The following CPLANE2 variants were observed in gnomAD, a reference collection of about 807,000 sequenced individuals.
The protein encoded by CPLANE2 is ciliogenesis and planar polarity effector 2.
CPLANE2 carries 24 observed loss-of-function variants against 20.9 expected under a neutral mutation model. The ratio of observed to expected loss-of-function variants is 1.15; its 90% confidence interval spans 0.83 to 1.61. CPLANE2 has a LOEUF of 1.61. Among genes scored for constraint, CPLANE2 ranks in the 40% most tolerant of loss-of-function variants. The pLI, the probability that CPLANE2 is intolerant of heterozygous loss-of-function variation, is 0.00. For synonymous variants in CPLANE2, 132 were observed against 144.3 expected, an observed-to-expected ratio of 0.92 and a Z score of 0.61; for missense variants, 330 against 355.1, an observed-to-expected ratio of 0.93 and a Z score of 0.57.
At chr1:16,236,530 T>C in intron 1 of CPLANE2, 101 bp downstream of exon 1, 2 of 913,442 alleles carry the variant, frequency 2.2e-6, no homozygotes, top group Non-Finnish European at 3.5e-6. Flanking sequence ...GAGCAGGCCC[T>C]CACTGCCCTG....
intron 4 of CPLANE2, 75 bp from the exon 5 acceptor site, chr1:16,232,372 T>C (rs960803481): frequency 2.4e-5 from 36 of 1,531,554 alleles, no homozygotes; most frequent in Middle Eastern, 3.6e-4. Flanking sequence ...CCCTCCTCCC[T>C]GGAGCCCACA....
intron 2 of CPLANE2, 100 bp downstream of exon 2, chr1:16,233,512 T>C: frequency 7.1e-7 from 1 of 1,412,766 alleles, no homozygotes; most frequent in Non-Finnish European, 9.7e-7. Context: ...TGAAGTGACT[T>C]TCCAAGGCTA....
intron 1 of CPLANE2, among the ~76,000 whole-genome samples, chr1:16,236,254 TG>T (rs1003804787): frequency 6.6e-6 from 1 of 152,174 alleles, no homozygotes; most frequent in Non-Finnish European, 1.5e-5. Context: ...CTCTATTTAT[TG>T]GGGTGTGATC....
chr1:16,233,040 C>A, intron 2 of CPLANE2, 23 bp from the exon 3 acceptor site: 1 of 1,613,812 alleles, frequency 6.2e-7, no homozygotes, highest in South Asian at 1.1e-5. Flanking sequence ...CAGGGTCAGC[C>A]ACTCACCATG....
intron 2 of CPLANE2, 83 bp downstream of exon 2, chr1:16,233,529 A>G: frequency 1.3e-6 from 2 of 1,508,084 alleles, no homozygotes; most frequent in Non-Finnish European, 1.8e-6. Flanking sequence ...GCTACAGAGT[A>G]AGAGGTGGTC....
At chr1:16,232,445 C>G (rs1285262490) in intron 4 of CPLANE2, 65 bp downstream of exon 4, 1 of 1,587,642 alleles carries the variant, frequency 6.3e-7, no homozygotes, top group Non-Finnish European at 8.6e-7. Context: ...GAATTCCATG[C>G]CTGGGCAGAG....
At position 16,232,052 on chromosome 1, in the gene CPLANE2, TCAGGAGCACTCTCTGGGGGGTTGGGAAG is replaced by T; in HGVS notation, c.745_772del (p.Leu249AsnfsTer19). On this transcript the variant is annotated frameshift_variant, in exon 5 of 5. Coordinates refer to ENST00000375599, the MANE Select transcript of CPLANE2 (RefSeq NM_030907.4). LOFTEE classifies it high-confidence loss of function. ...TCACAGGCAACCACTCGTGACTCAT[TCAGGAGCACTCTCTGGGGGGTTGGGAAG>T]CAGGCCAGCCGCCACCTGGTCCTGG... 5 of 1,612,342 alleles carry T rather than the reference TCAGGAGCACTCTCTGGGGGGTTGGGAAG, an allele frequency of 3.1e-6. No individual in the cohort carries two copies. Among genetic ancestry groups the T allele is most frequent in the Non-Finnish European group, 4.2e-6 (5 of 1,179,452 alleles).
chr1:16,234,264 T>G lies in CPLANE2; in HGVS notation c.113-500A>C, dbSNP rs575762222. Reference sequence around the variant, plus strand: ...AAAAAAATACCAAAAATCAGCTGGGTGTGGTGGTGGGTGCCTATAATCCCA... The same window carrying G: ...AAAAAAATACCAAAAATCAGCTGGGGGTGGTGGTGGGTGCCTATAATCCCA... On this transcript the variant is annotated intron_variant, in intron 1 of 4. Transcript: ENST00000375599. Among the ~76,000 whole-genome samples the G allele has an allele frequency of 2.1e-3, 314 of 151,554 alleles. 1 individual carries two copies. Among genetic ancestry groups the G allele is most frequent in the Non-Finnish European group, 3.7e-3 (254 of 67,906 alleles).
Position 16,231,760 on chromosome 1 carries a change from G to A in CPLANE2, c.*288C>T, listed in dbSNP as rs939041555. 6.4e-5 allele frequency: 34 copies of A among 529,970 alleles called. No individual in the cohort carries two copies. The highest frequency in any genetic ancestry group is 6.2e-4 in the African/African-American group (33 of 52,864). The allele number at this position is 529,970 out of a possible 1,614,324, so 32.8% of individuals were successfully genotyped here. On this transcript the variant is annotated 3_prime_UTR_variant, in exon 5 of 5. Coordinates refer to ENST00000375599, the MANE Select transcript of CPLANE2 (RefSeq NM_030907.4). ...GTCACCTCAACCAATACAGGTTCTT[G>A]ATTGAAGTAACTTGAGAGGCACCCC...
chr1:16,233,050 G>A (rs775100097), intron 2 of CPLANE2, 33 bp from the exon 3 acceptor site: 1 of 1,612,940 alleles, frequency 6.2e-7, no homozygotes, highest in South Asian at 1.1e-5. Flanking sequence ...CACTCACCAT[G>A]GGAGAGGTGG....
At position 16,236,791 on chromosome 1, in the gene CPLANE2, G is replaced by A. The variant is rs1213362894; in HGVS notation, c.-49C>T. ...GGAGGTGACAGAATGCTGAGAGCAG[G>A]GAGTGGGAAGGGGAGTGACAGTACC... On this transcript the variant is annotated 5_prime_UTR_variant, in exon 1 of 5. Coordinates refer to ENST00000375599, the MANE Select transcript of CPLANE2 (RefSeq NM_030907.4). The A allele has an allele frequency of 1.5e-5, 20 of 1,339,566 alleles. No homozygotes were observed. Among genetic ancestry groups the A allele is most frequent in the Non-Finnish European group, 2.1e-5 (20 of 955,692 alleles). 83.0% of individuals were successfully genotyped at this position (1,339,566 alleles called of 1,614,324 possible).
At position 16,236,794 on chromosome 1, in the gene CPLANE2, G is replaced by A. The variant is rs1469003990; in HGVS notation, c.-52C>T. On this transcript the variant is annotated 5_prime_UTR_variant, in exon 1 of 5. Coordinates refer to ENST00000375599, the MANE Select transcript of CPLANE2 (RefSeq NM_030907.4). Reference sequence around the variant, plus strand: ...GGTGACAGAATGCTGAGAGCAGGGAGTGGGAAGGGGAGTGACAGTACCAAG... The same window carrying A: ...GGTGACAGAATGCTGAGAGCAGGGAATGGGAAGGGGAGTGACAGTACCAAG... 2 of 1,328,282 alleles carry A rather than the reference G, an allele frequency of 1.5e-6. No individual in the cohort carries two copies. Among genetic ancestry groups the A allele is most frequent in the African/African-American group, 1.5e-5 (1 of 68,824 alleles). The allele number at this position is 1,328,282 out of a possible 1,614,324, so 82.3% of individuals were successfully genotyped here. A position where few individuals can be genotyped will look rare whatever the true frequency, so the allele number is the denominator to read the frequency against.
chr1:16,235,744 G>A (rs1228181848), intron 1 of CPLANE2, among the ~76,000 whole-genome samples: 4 of 144,682 alleles, frequency 2.8e-5, no homozygotes, highest in Admixed American at 2.2e-4. Context: ...GCAATGGCTC[G>A]ATCTAGGGTT....
chr1:16,233,131 T>G, intron 2 of CPLANE2, 114 bp from the exon 3 acceptor site: 2 of 1,199,474 alleles, frequency 1.7e-6, no homozygotes, highest in South Asian at 2.8e-5. Flanking sequence ...GGGTCCCTAG[T>G]TTGATGAGGG....
rs144816140 is a variant in CPLANE2 at position 16,233,736 on chromosome 1, C to T, written c.141G>A (p.Pro47=). Residue 47 remains proline (P), a synonymous_variant, in exon 2 of 5, where the codon CCG becomes CCA. Transcript: ENST00000375599. ...AGCTGGCAGTGTCAATGGACACAGG[C>T]GGCAGCAGCACTGGCCGCTCAAGCA... ...FGLLERPVLL[P]PVSIDTASYK... 4.3e-6 allele frequency: 7 copies of T among 1,613,950 alleles called. No individual in the cohort carries two copies. The highest frequency in any genetic ancestry group is 2.7e-5 in the African/African-American group (2 of 74,928).
At position 16,233,764 on chromosome 1, in the gene CPLANE2, C is replaced by T; in HGVS notation, c.113G>A (p.Gly38Glu). ...ILRKNRRRVFGLLERPVLLPP... is the reference protein window; with the variant it reads ...ILRKNRRRVFELLERPVLLPP... ...CAGCAGCACTGGCCGCTCAAGCAGC[C>T]CTAGGGCAAAGAGAGAGCCAGGCAG... The change falls in exon 2 of 5, where the codon GGG becomes GAG. Residue 38 changes from glycine (G) to glutamate (E), a missense_variant and splice_region_variant. Physicochemically the swap from Gly to Glu is moderately conservative, Grantham distance 98. Transcript: ENST00000375599. 6.2e-7 allele frequency: 1 copy of T among 1,614,024 alleles called. No individual in the cohort carries two copies. Among genetic ancestry groups the T allele is most frequent in the Non-Finnish European group, 8.5e-7 (1 of 1,179,954 alleles).
At chr1:16,234,943 C>T (rs1451706051) in intron 1 of CPLANE2, among the ~76,000 whole-genome samples, 1 of 152,166 alleles carries the variant, frequency 6.6e-6, no homozygotes, top group African/African-American at 2.4e-5. Context: ...AGGCTGGTCT[C>T]GAACTCCCAA....
chr1:16,237,039 C>G lies in CPLANE2; in HGVS notation c.-297G>C, dbSNP rs112072393. On this transcript the variant is annotated 5_prime_UTR_variant, in exon 1 of 5. Coordinates refer to ENST00000375599, the MANE Select transcript of CPLANE2 (RefSeq NM_030907.4). Reference sequence around the variant, plus strand: ...TCTAGATCCCGACTCCCAGGGCTACCTAGCCCTCCCCGTCAGCAGTCCCGG... The same window carrying G: ...TCTAGATCCCGACTCCCAGGGCTACGTAGCCCTCCCCGTCAGCAGTCCCGG... 8,722 of 261,334 alleles carry G rather than the reference C, an allele frequency of 0.033. 736 individuals carry two copies. Among genetic ancestry groups the G allele is most frequent in the African/African-American group, 0.18 (8,085 of 45,198 alleles). 16.2% of individuals were successfully genotyped at this position (261,334 alleles called of 1,614,324 possible).
At chr1:16,236,563 C>G in intron 1 of CPLANE2, 68 bp downstream of exon 1, 1 of 1,236,772 alleles carries the variant, frequency 8.1e-7, no homozygotes. Flanking sequence ...CCTCAGGGAG[C>G]AACAGGTGAC....
Sources: gnomAD v4.1 joint callset for allele counts (sites outside exome capture counted in the v4.1 genomes callset) on GRCh38, gnomAD v4.1.1 for gene constraint, MANE v1.5 for transcripts, NCBI Gene and HGNC (gene_info 2026-07-23, HGNC 2026-07-21) for gene names.